Variants in NELL1 observed in about 807,000 individuals in gnomAD.
The protein encoded by NELL1 is protein kinase C-binding protein NELL1.
Under a neutral mutation model 107.4 loss-of-function variants are expected in NELL1, and 76 were observed. That is an observed-to-expected ratio of 0.71 (90% CI 0.59 to 0.86). The LOEUF is 0.86. NELL1 is among the 40% of genes least tolerant of loss of function. NELL1 has a pLI of 0.00. For missense variants in NELL1, 1,024 were observed against 1,005.5 expected (o/e 1.02, Z -0.25); for synonymous variants, 353 against 341.2 (o/e 1.03, Z -0.38).
At chr11:21,312,870 T>A (rs1162538343) in intron 14 of NELL1, among the ~76,000 whole-genome samples, 1 of 152,118 alleles carries the variant, frequency 6.6e-6, no homozygotes, top group East Asian at 1.9e-4. Flanking sequence ...CATCTCCTCT[T>A]ACTCACCTCT....
At chr11:20,798,909 A>G (rs991843466) in intron 3 of NELL1, among the ~76,000 whole-genome samples, 3 of 132,878 alleles carry the variant, frequency 2.3e-5, no homozygotes, top group Admixed American at 8.1e-5. Flanking sequence ...ATTCTTTAGC[A>G]GCGAAGGTGT....
At chr11:20,804,871 C>T (rs569552857) in intron 3 of NELL1, among the ~76,000 whole-genome samples, 250 of 152,218 alleles carry the variant, frequency 1.6e-3, no homozygotes, top group Non-Finnish European at 2.9e-3. Flanking sequence ...TCTGAAAGTA[C>T]GGTGTTCAAG....
chr11:21,315,890 A>AGT lies in NELL1; in HGVS notation c.1550-54936_1550-54935dup, dbSNP rs10535605. ...TGGTGGTGGTGGTGGTGGTGGTGTG[A>AGT]GTGTGTGTGTGTGTGTGTGTGTGTG... is the stretch of plus-strand genomic sequence containing the variant. On this transcript the variant is annotated intron_variant, in intron 14 of 19. Coordinates refer to ENST00000357134, the MANE Select transcript of NELL1 (RefSeq NM_006157.5). Among the ~76,000 whole-genome samples, 1,452 of 149,650 alleles carry AGT rather than the reference A, an allele frequency of 9.7e-3. 25 individuals carry two copies. Among genetic ancestry groups the AGT allele is most frequent in the African/African-American group, 0.032 (1,313 of 40,868 alleles).
chr11:21,136,475 G>C (rs1855746430), intron 13 of NELL1, among the ~76,000 whole-genome samples: 1 of 152,198 alleles, frequency 6.6e-6, no homozygotes. Flanking sequence ...TATGTATTTA[G>C]TAGCATTTCC....
At chr11:20,941,021 C>G (rs557878067) in intron 10 of NELL1, among the ~76,000 whole-genome samples, 28 of 152,204 alleles carry the variant, frequency 1.8e-4, no homozygotes, top group Admixed American at 5.9e-4. Context: ...TGCCTGTAAT[C>G]CCAGCTACTC....
chr11:21,483,765 G>A (rs1854550233), intron 15 of NELL1, among the ~76,000 whole-genome samples: 1 of 150,324 alleles, frequency 6.7e-6, no homozygotes, highest in South Asian at 2.1e-4. Flanking sequence ...AGCATAAGGT[G>A]TAATTAAGTA....
chr11:21,045,890 C>A (rs1207659222), intron 12 of NELL1, among the ~76,000 whole-genome samples: 1 of 152,086 alleles, frequency 6.6e-6, no homozygotes, highest in East Asian at 1.9e-4. Flanking sequence ...TTTTATAATC[C>A]CCCCAACACA....
At chr11:21,309,284 A>ATATATATATATGTATATATATAT (rs1565160417) in intron 14 of NELL1, among the ~76,000 whole-genome samples, 1 of 62,782 alleles carries the variant, frequency 1.6e-5, no homozygotes, top group African/African-American at 1.2e-4. Context: ...ATATATGTAT[A>ATATATATATATGTATATATATAT]TATATATATA....
chr11:21,392,098 A>G (rs376731689), intron 15 of NELL1, among the ~76,000 whole-genome samples: 4 of 151,806 alleles, frequency 2.6e-5, no homozygotes, highest in Admixed American at 2.6e-4. Flanking sequence ...GTAAATTTTT[A>G]ATTAATACCC....
rs551164253 is a variant in NELL1 at position 21,353,064 on chromosome 11, A to G, written c.1550-17789A>G. Among the ~76,000 whole-genome samples, 229 of 152,270 alleles carry G rather than the reference A, an allele frequency of 1.5e-3. 1 individual carries two copies. Among genetic ancestry groups the G allele is most frequent in the Non-Finnish European group, 2.5e-3 (168 of 68,024 alleles). Reference sequence around the variant, plus strand: ...TTCCAGCTGAGAGTCTGAGTTGAGAATAGCTCTCCAGTTGGGCAGAAAGAT... The same window carrying G: ...TTCCAGCTGAGAGTCTGAGTTGAGAGTAGCTCTCCAGTTGGGCAGAAAGAT... On this transcript the variant is annotated intron_variant, in intron 14 of 19. Transcript: ENST00000357134.
At chr11:21,390,457 A>G (rs1477859591) in intron 15 of NELL1, among the ~76,000 whole-genome samples, 1 of 150,758 alleles carries the variant, frequency 6.6e-6, no homozygotes, top group African/African-American at 2.4e-5. Context: ...ACTTCCCACC[A>G]TGGAAGATGA....
chr11:21,371,019 C>T, intron 15 of NELL1, 71 bp downstream of exon 15: 3 of 1,135,818 alleles, frequency 2.6e-6, no homozygotes, highest in Non-Finnish European at 3.9e-6. Context: ...AGAATAACAG[C>T]TCTTTCTTTA....
chr11:21,088,207 A>G (rs1854443247), intron 12 of NELL1, among the ~76,000 whole-genome samples: 1 of 152,090 alleles, frequency 6.6e-6, no homozygotes, highest in South Asian at 2.1e-4. Context: ...ACCCTCCGGG[A>G]CATAGAGAAT....
intron 13 of NELL1, among the ~76,000 whole-genome samples, chr11:21,154,548 A>C (rs909172630): frequency 6.6e-6 from 1 of 152,178 alleles, no homozygotes; most frequent in Non-Finnish European, 1.5e-5. Flanking sequence ...CAGAAGTCCA[A>C]TGGGTGATGT....
At chr11:21,356,539 G>T (rs1565184749) in intron 14 of NELL1, among the ~76,000 whole-genome samples, 2 of 152,138 alleles carry the variant, frequency 1.3e-5, no homozygotes, top group Admixed American at 6.5e-5. Flanking sequence ...CAAATGGGGG[G>T]CATTGTCCTC....
At chr11:20,919,486 CA>C in intron 7 of NELL1, 152 bp downstream of exon 7, 1 of 542,466 alleles carries the variant, frequency 1.8e-6, no homozygotes, top group Non-Finnish European at 3.3e-6. Context: ...ATAGGACTAC[CA>C]ATAGTAAACA....
intron 19 of NELL1, among the ~76,000 whole-genome samples, chr11:21,574,574 G>A (rs1336115254): frequency 2.0e-5 from 3 of 151,840 alleles, no homozygotes; most frequent in Admixed American, 1.3e-4. Flanking sequence ...CCTGAAGATT[G>A]TTGGGGGTAC....
chr11:21,164,687 A>G (rs926360126), intron 13 of NELL1, among the ~76,000 whole-genome samples: 3 of 152,204 alleles, frequency 2.0e-5, no homozygotes, highest in African/African-American at 4.8e-5. Flanking sequence ...GGAAAGTACA[A>G]TTCTTCTTGA....
chr11:21,024,891 G>T (rs182492632), intron 12 of NELL1, among the ~76,000 whole-genome samples: 1 of 151,938 alleles, frequency 6.6e-6, no homozygotes, highest in Non-Finnish European at 1.5e-5. Flanking sequence ...TCCTCTGTCC[G>T]TTTCAACTCC....
Sources: gnomAD v4.1 joint callset for allele counts (sites outside exome capture counted in the v4.1 genomes callset) on GRCh38, gnomAD v4.1.1 for gene constraint, MANE v1.5 for transcripts, NCBI Gene and HGNC (gene_info 2026-07-23, HGNC 2026-07-21) for gene names.